ZNF280C: variants seen among roughly 807,000 people sequenced by gnomAD.
The protein encoded by ZNF280C is zinc finger protein 280C.
Under a neutral mutation model 53.6 loss-of-function variants are expected in ZNF280C, and 14 were observed. That is an observed-to-expected ratio of 0.26 (90% CI 0.17 to 0.41). The LOEUF (loss-of-function observed/expected upper bound fraction) is 0.41. Ranked by LOEUF, ZNF280C falls within the 10% of genes least tolerant of loss-of-function variation. The pLI is 1.00. For missense variants in ZNF280C, 416 were observed against 547.1 expected (o/e 0.76, Z 2.39); for synonymous variants, 203 against 181.1 (o/e 1.12, Z -0.97).
intron 12 of ZNF280C, among the ~76,000 whole-genome samples, chrX:130,225,699 A>C (rs1053321416): frequency 9.0e-6 from 1 of 110,692 alleles, no homozygotes; most frequent in Non-Finnish European, 1.9e-5. Context: ...ATACCATCCA[A>C]GTCATAACAC....
In ZNF280C at chrX:130,224,488, C is replaced by A. The variant is rs111521336; in HGVS notation, c.1395+2271G>T. 3.6e-5 allele frequency among the ~76,000 whole-genome samples: 4 copies of A among 111,532 alleles called. No homozygotes were observed. The East Asian group carries it at 1.1e-3, about 31-fold the overall frequency. On this transcript the variant is annotated intron_variant, in intron 12 of 18. Coordinates refer to ENST00000370978, the MANE Select transcript of ZNF280C (RefSeq NM_017666.5). ...AGATGTGATGATTCAGCAGAAGGAT[C>A]GATAGGACTTAGTGTTATACTCACA...
intron 2 of ZNF280C, among the ~76,000 whole-genome samples, chrX:130,252,270 T>C (rs1271755828): frequency 1.8e-5 from 2 of 112,265 alleles, no homozygotes; most frequent in Non-Finnish European, 3.8e-5. Flanking sequence ...ACTACTATCC[T>C]GCAGGCTTTA....
At chrX:130,232,347 G>T (rs1018890641) in intron 8 of ZNF280C, among the ~76,000 whole-genome samples, 3 of 107,276 alleles carry the variant, frequency 2.8e-5, no homozygotes, top group East Asian at 5.7e-4. Context: ...TATCCAATGA[G>T]ATGAAACTAA....
At chrX:130,240,848 C>T (rs1313528096) in intron 5 of ZNF280C, among the ~76,000 whole-genome samples, 1 of 112,146 alleles carries the variant, frequency 8.9e-6, no homozygotes, top group East Asian at 2.8e-4. Context: ...TTACCTTGGG[C>T]AAGCCACTTC....
At chrX:130,265,678 T>TA (rs2032680833) in intron 1 of ZNF280C, among the ~76,000 whole-genome samples, 1 of 112,309 alleles carries the variant, frequency 8.9e-6, no homozygotes, top group Non-Finnish European at 1.9e-5. Context: ...GCCAAATCTG[T>TA]AAGTATAATC....
chrX:130,257,330 C>G (rs2032586218), intron 2 of ZNF280C, among the ~76,000 whole-genome samples: 1 of 110,486 alleles, frequency 9.1e-6, no homozygotes, highest in Non-Finnish European at 1.9e-5. Flanking sequence ...ATGTATCCAT[C>G]ATAATACATT....
chrX:130,218,506 C>T (rs2124699698), intron 13 of ZNF280C, among the ~76,000 whole-genome samples: 1 of 112,517 alleles, frequency 8.9e-6, no homozygotes, highest in Admixed American at 9.4e-5. Context: ...CATCCACTAA[C>T]ATTTTCTTTA....
At chrX:130,245,878 A>G (rs1334281289) in intron 3 of ZNF280C, among the ~76,000 whole-genome samples, 1 of 109,012 alleles carries the variant, frequency 9.2e-6, no homozygotes, top group African/African-American at 3.4e-5. Context: ...CTCTGCCTAC[A>G]GGTTCAGGCG....
At chrX:130,247,492 G>A (rs2032462848) in intron 2 of ZNF280C, among the ~76,000 whole-genome samples, 1 of 111,348 alleles carries the variant, frequency 9.0e-6, no homozygotes, top group South Asian at 3.8e-4. Flanking sequence ...CACCCTGAGC[G>A]GCCATCTCTG....
chrX:130,211,947 CAGAATA>C (rs1480759826), intron 15 of ZNF280C, among the ~76,000 whole-genome samples: 3 of 111,749 alleles, frequency 2.7e-5, no homozygotes, highest in African/African-American at 9.8e-5. Flanking sequence ...GTGTTTAGCA[CAGAATA>C]AGAGAACAAT....
At chrX:130,244,018 G>A (rs968263934) in intron 3 of ZNF280C, among the ~76,000 whole-genome samples, 153 bp from the exon 4 acceptor site, 1 of 111,239 alleles carries the variant, frequency 9.0e-6, no homozygotes, top group Non-Finnish European at 1.9e-5. Flanking sequence ...TCTGATTCCC[G>A]TGACTTGAAA....
At chrX:130,208,946 TC>T (rs1236058320) in intron 16 of ZNF280C, among the ~76,000 whole-genome samples, 2 of 111,832 alleles carry the variant, frequency 1.8e-5, no homozygotes, top group East Asian at 5.6e-4. Context: ...TCCACCCGCC[TC>T]AGCCTCCCAA....
chrX:130,249,111 C>T (rs761884549), intron 2 of ZNF280C, among the ~76,000 whole-genome samples: 1 of 111,215 alleles, frequency 9.0e-6, no homozygotes, highest in Non-Finnish European at 1.9e-5. Flanking sequence ...CCACCCTGAG[C>T]GGCCATCTCT....
chrX:130,263,144 A>G (rs924642620), intron 1 of ZNF280C, among the ~76,000 whole-genome samples: 2 of 112,310 alleles, frequency 1.8e-5, no homozygotes, highest in African/African-American at 6.5e-5. Context: ...CACTGTGGAA[A>G]ACACTTTGGC....
At chrX:130,211,960 C>T (rs2032045650) in intron 15 of ZNF280C, among the ~76,000 whole-genome samples, 1 of 111,772 alleles carries the variant, frequency 8.9e-6, no homozygotes, top group Admixed American at 9.5e-5. Flanking sequence ...AATAAGAGAA[C>T]AATATTAATC....
At chrX:130,253,087 G>A (rs1373779812) in intron 2 of ZNF280C, among the ~76,000 whole-genome samples, 1 of 111,825 alleles carries the variant, frequency 8.9e-6, no homozygotes, top group African/African-American at 3.3e-5. Context: ...ACAAATCAAC[G>A]TACAAAAATC....
rs779156771 is a variant in ZNF280C at position 130,243,656 on chromosome X, G to T, written c.288C>A (p.Asp96Glu). Residue 96 changes from aspartate (D) to glutamate (E), a missense_variant, in exon 5 of 19, where the codon GAC becomes GAA. Asp to Glu is a conservative substitution (Grantham distance 45). Coordinates refer to ENST00000370978, the MANE Select transcript of ZNF280C (RefSeq NM_017666.5). The part of the protein sequence containing the change: ...IFRTASQRCR[D>E]PPSNPVAASP... The stretch of plus-strand genomic sequence containing the variant: ...AGGCAGCCACTGGATTTGATGGTGG[G>T]TCTCTGCAGCGTTGACTTGCAGTCC... The T allele has an allele frequency of 1.7e-6, 2 of 1,210,881 alleles. No individual in the cohort carries two copies. Among genetic ancestry groups the T allele is most frequent in the Admixed American group, 4.3e-5 (2 of 45,995 alleles).
rs1462909635 is a variant in ZNF280C, at chrX:130,203,954, T to G, written c.*1023A>C. ...ACAATATAAAACCAAGCTACCAAAA[T>G]AAAACAAAATAAAATGTAAAAAATG... On this transcript the variant is annotated 3_prime_UTR_variant, in exon 19 of 19. Transcript: ENST00000370978. 9.2e-6 allele frequency: 1 copy of G among 109,170 alleles called. No individual in the cohort carries two copies. Among genetic ancestry groups the G allele is most frequent in the Non-Finnish European group, 1.9e-5 (1 of 52,622 alleles). 9.0% of individuals were successfully genotyped at this position (109,170 alleles called of 1,213,427 possible).
At chrX:130,257,458 C>T (rs1225960946) in intron 2 of ZNF280C, among the ~76,000 whole-genome samples, 3 of 111,195 alleles carry the variant, frequency 2.7e-5, no homozygotes, top group East Asian at 2.8e-4. Flanking sequence ...GAAGAAAAAG[C>T]TTTAAGAAAA....
Sources: allele counts gnomAD v4.1 joint callset (sites outside exome capture counted in the v4.1 genomes callset), GRCh38; gene constraint gnomAD v4.1.1; transcripts MANE v1.5; gene names NCBI Gene and HGNC (gene_info 2026-07-23, HGNC 2026-07-21).